Variants in NEDD4L observed in about 807,000 individuals in gnomAD.
NEDD4L encodes the protein NEDD4 like E3 ubiquitin protein ligase.
NEDD4L carries 54 observed loss-of-function variants against 148.9 expected under a neutral mutation model. The ratio of observed to expected loss-of-function variants is 0.36; its 90% CI spans 0.29 to 0.45. The LOEUF is 0.45. NEDD4L is among the 20% of genes least tolerant of loss of function. The pLI, the probability that NEDD4L is intolerant of heterozygous loss-of-function variation, is 1.00. For missense variants in NEDD4L, 856 were observed against 1,233.8 expected (o/e 0.69, Z 4.59); for synonymous variants, 433 against 440.7 (o/e 0.98, Z 0.22).
intron 2 of NEDD4L, among the ~76,000 whole-genome samples, chr18:58,196,540 ATTCCC>A (rs2040714387): frequency 6.6e-6 from 1 of 152,168 alleles, no homozygotes; most frequent in South Asian, 2.1e-4. Context: ...ACAAACTGTT[ATTCCC>A]TTTAAGAGAA....
chr18:58,171,988 G>A (rs1419289876), intron 2 of NEDD4L, among the ~76,000 whole-genome samples: 3 of 152,172 alleles, frequency 2.0e-5, no homozygotes, highest in African/African-American at 7.2e-5. Context: ...TACAGAAGGA[G>A]CACACTCTCT....
intron 1 of NEDD4L, among the ~76,000 whole-genome samples, chr18:58,099,186 C>CTTTTTTTTTTTTTT (rs1011982856): frequency 9.8e-4 from 144 of 147,594 alleles, no homozygotes; most frequent in African/African-American, 3.3e-3. Context: ...CCCCAGTGTC[C>CTTTTTTTTTTTTTT]TTTTTTTTTT....
chr18:58,255,979 C>G, intron 5 of NEDD4L: 1 of 1,230,808 alleles, frequency 8.1e-7, no homozygotes, highest in Admixed American at 4.2e-5. Flanking sequence ...CCGAGGGCGC[C>G]GACGATGGGC....
chr18:58,214,802 T>TCTTTCTTTC (rs765186331), intron 2 of NEDD4L, among the ~76,000 whole-genome samples: 81 of 62,538 alleles, frequency 1.3e-3, no homozygotes, highest in East Asian at 4.0e-3. Context: ...TTTCTTTCAT[T>TCTTTCTTTC]TTTTTTTTTT....
chr18:58,137,999 A>G (rs977874068), intron 1 of NEDD4L, among the ~76,000 whole-genome samples: 1 of 152,182 alleles, frequency 6.6e-6, no homozygotes, highest in Admixed American at 6.5e-5. Context: ...TCTGGCCCAG[A>G]GCCGTCCAGG....
In NEDD4L at chr18:58,134,358, CTTTTTTTTTTTTT is replaced by C; in HGVS notation, c.49-31410_49-31398del. 1.7e-4 allele frequency among the ~76,000 whole-genome samples: 2 copies of C among 11,944 alleles called. 1 individual carries two copies. 7.8% of individuals were successfully genotyped at this position (11,944 alleles called of 152,430 possible). A position where few individuals can be genotyped will look rare whatever the true frequency, so the allele number is the denominator to read the frequency against. On this transcript the variant is annotated intron_variant, in intron 1 of 30. Transcript: ENST00000400345. ...CAAATCAGTTAAAGCAATTCCATTT[CTTTTTTTTTTTTT>C]TTTTTTTTTTTTTTTTTTTGAGACG...
At chr18:58,384,617 G>C (rs867918192) in intron 25 of NEDD4L, among the ~76,000 whole-genome samples, 3 of 152,210 alleles carry the variant, frequency 2.0e-5, no homozygotes, top group Admixed American at 6.5e-5. Flanking sequence ...GGGAGTCAGG[G>C]CCAGGCAGGG....
intron 2 of NEDD4L, among the ~76,000 whole-genome samples, chr18:58,167,686 C>T (rs1165846611): frequency 6.6e-6 from 1 of 152,024 alleles, no homozygotes; most frequent in Non-Finnish European, 1.5e-5. Flanking sequence ...ATATCTTTCT[C>T]CTACTACTTA....
intron 5 of NEDD4L, among the ~76,000 whole-genome samples, chr18:58,261,442 A>C (rs1209991649): frequency 6.6e-6 from 1 of 152,248 alleles, no homozygotes; most frequent in African/African-American, 2.4e-5. Context: ...TATGACTTTA[A>C]AATGAGGGAG....
chr18:58,112,923 A>G (rs185114602), intron 1 of NEDD4L, among the ~76,000 whole-genome samples: 40 of 152,336 alleles, frequency 2.6e-4, no homozygotes, highest in Non-Finnish European at 4.0e-4. Flanking sequence ...CTGAGGGTAG[A>G]GCCCTCATGA....
At chr18:58,316,961 CTTTATTTAAAG>C (rs368982246) in intron 6 of NEDD4L, among the ~76,000 whole-genome samples, 78,147 of 151,442 alleles carry the variant, frequency 0.52, 20,568 homozygotes, top group African/African-American at 0.63. Context: ...ACTTTATTTA[CTTTATTTAAAG>C]CTATTTAAAG....
At chr18:58,352,877 T>C (rs1370837751) in intron 18 of NEDD4L, among the ~76,000 whole-genome samples, 1 of 152,214 alleles carries the variant, frequency 6.6e-6, no homozygotes, top group Non-Finnish European at 1.5e-5. Context: ...GTGAATGTGT[T>C]TCGTATACCG....
At chr18:58,094,509 G>A (rs946107578) in intron 1 of NEDD4L, among the ~76,000 whole-genome samples, 3 of 151,530 alleles carry the variant, frequency 2.0e-5, no homozygotes, top group Non-Finnish European at 2.9e-5. Context: ...TTACCTTTTC[G>A]CCGCCCTGGC....
At chr18:58,349,692 G>A (rs2043621397) in intron 17 of NEDD4L, 78 bp downstream of exon 17, 2 of 1,118,012 alleles carry the variant, frequency 1.8e-6, no homozygotes, top group Non-Finnish European at 2.7e-6. Flanking sequence ...GAGAGGCCCT[G>A]TGGACCTTCT....
chr18:58,054,086 A>G (rs28584294), intron 1 of NEDD4L, among the ~76,000 whole-genome samples: 38,679 of 152,160 alleles, frequency 0.25, 5,976 homozygotes, highest in African/African-American at 0.44. Flanking sequence ...TACATGTATA[A>G]GTTCTTTTTT....
chr18:58,250,986 C>A (rs901911347), intron 4 of NEDD4L, among the ~76,000 whole-genome samples: 9 of 152,122 alleles, frequency 5.9e-5, no homozygotes, highest in Non-Finnish European at 1.2e-4. Context: ...TCTGTCATTG[C>A]CTCACAGTTC....
At chr18:58,082,150 C>T (rs1340473080) in intron 1 of NEDD4L, among the ~76,000 whole-genome samples, 4 of 127,896 alleles carry the variant, frequency 3.1e-5, no homozygotes, top group Non-Finnish European at 6.3e-5. Flanking sequence ...TCTTGTCGCC[C>T]AGACTGGAGT....
Position 58,128,246 on chromosome 18 carries a change from C to T in NEDD4L, c.49-37542C>T, listed in dbSNP as rs189728316. ...ATTTTTAGTAGAGATGGGGTTTCACCACATTGGCCAGGCTGGTCTCTAACT... is the reference window on the plus strand; with the variant it reads ...ATTTTTAGTAGAGATGGGGTTTCACTACATTGGCCAGGCTGGTCTCTAACT... On this transcript the variant is annotated intron_variant, in intron 1 of 30. Transcript: ENST00000400345. Among the ~76,000 whole-genome samples the T allele has an allele frequency of 4.3e-3, 657 of 152,240 alleles. 4 individuals carry two copies. Among genetic ancestry groups the T allele is most frequent in the African/African-American group, 0.015 (636 of 41,542 alleles).
Position 58,397,758 on chromosome 18 carries a change from T to G in NEDD4L, c.*1489T>G, listed in dbSNP as rs2050587292. On this transcript the variant is annotated 3_prime_UTR_variant, in exon 31 of 31. Transcript: ENST00000400345. The stretch of plus-strand genomic sequence containing the variant: ...CCACGTGTAAGTCTCCATTGCAGAA[T>G]TGTCGTGCTTTGAGAAAACACCTGA... 1 of 152,606 alleles carries G rather than the reference T, an allele frequency of 6.6e-6. No individual in the cohort carries two copies. Among genetic ancestry groups the G allele is most frequent in the Non-Finnish European group, 1.5e-5 (1 of 68,044 alleles). 9.5% of individuals were successfully genotyped at this position (152,606 alleles called of 1,614,324 possible).
Sources: gnomAD v4.1 joint callset for allele counts (sites outside exome capture counted in the v4.1 genomes callset) on GRCh38, gnomAD v4.1.1 for gene constraint, MANE v1.5 for transcripts, NCBI Gene and HGNC (gene_info 2026-07-23, HGNC 2026-07-21) for gene names.